Variants in PRDM1 observed in about 807,000 individuals in gnomAD.
PRDM1 encodes the protein PR domain zinc finger protein 1.
A neutral mutation model predicts 62.8 loss-of-function variants in PRDM1; 13 were observed. That is an observed-to-expected ratio of 0.21 (90% CI 0.13 to 0.33). The LOEUF (loss-of-function observed/expected upper bound fraction) is 0.33. PRDM1 is among the 10% of genes least tolerant of loss of function. The probability of loss-of-function intolerance (pLI) is 1.00; values close to 1 mark genes in which losing one functional copy is unlikely to be tolerated. For missense variants in PRDM1, 895 were observed against 1,058.8 expected (o/e 0.85, Z 2.15); for synonymous variants, 396 against 417.6 (o/e 0.95, Z 0.63).
intron 3 of PRDM1, among the ~76,000 whole-genome samples, chr6:106,096,367 C>T (rs893541834): frequency 3.3e-5 from 5 of 152,062 alleles, no homozygotes; most frequent in African/African-American, 7.2e-5. Context: ...ATGATGGTCT[C>T]GATCTCTGGA....
chr6:106,106,911 G>A lies in PRDM1; in HGVS notation c.1903G>A (p.Val635Ile), dbSNP rs1172754125. ...HTGEKPHECQ[V>I]CHKRFSSTSN... Reference sequence around the variant, plus strand: ...GCTGTCTCTCTCCCCTACACTGTAGGTCTGCCACAAGAGATTTAGCAGCAC... The same window carrying A: ...GCTGTCTCTCTCCCCTACACTGTAGATCTGCCACAAGAGATTTAGCAGCAC... Residue 635 changes from valine (V) to isoleucine (I), a missense_variant and splice_region_variant, in exon 7 of 7, where the codon GTC becomes ATC. Around this residue, in one of 4 missense-constraint regions of PRDM1, gnomAD observed 74 missense variants for 172.4 expected, o/e 0.43. Coordinates refer to ENST00000369096, the MANE Select transcript of PRDM1 (RefSeq NM_001198.4). This position sits in a 1 kb window ranked among gnomAD's most constrained non-coding sequence, Gnocchi z 4.4. The A allele has an allele frequency of 1.2e-6, 2 of 1,611,556 alleles. No individual in the cohort carries two copies. Among genetic ancestry groups the A allele is most frequent in the African/African-American group, 1.3e-5 (1 of 74,976 alleles).
intron 1 of PRDM1, among the ~76,000 whole-genome samples, chr6:106,077,391 G>A (rs945485036): frequency 3.3e-5 from 5 of 152,150 alleles, no homozygotes; most frequent in Non-Finnish European, 7.4e-5. Context: ...ATCACAGTTA[G>A]AGCATGAGCA....
upstream of PRDM1, among the ~76,000 whole-genome samples, chr6:106,081,609 C>CT (rs936390910): frequency 2.6e-5 from 4 of 152,104 alleles, no homozygotes; most frequent in African/African-American, 9.7e-5. Flanking sequence ...GAGTTGGGGG[C>CT]TGGGGGTGGT....
At chr6:106,096,575 T>C (rs1380441824) in intron 3 of PRDM1, among the ~76,000 whole-genome samples, 1 of 152,230 alleles carries the variant, frequency 6.6e-6, no homozygotes, top group Admixed American at 6.5e-5. Context: ...AATGATTCCA[T>C]TTGACAATAG....
In PRDM1 at chr6:106,105,643, G is replaced by A. The variant is rs2114656743; in HGVS notation, c.1483G>A (p.Ala495Thr). ...GGTGCTTGTCCCGGCGCCCCACAGT[G>A]CCTTCTCCTTTACCGGGGCCGCCGC... is the stretch of plus-strand genomic sequence containing the variant. Reference protein sequence around the residue: ...REVLVPAPHSAFSFTGAAASM... With the variant: ...REVLVPAPHSTFSFTGAAASM... Residue 495 changes from alanine to threonine, a missense_variant, in exon 5 of 7, where the codon GCC becomes ACC. Ala to Thr is a moderately conservative substitution (Grantham distance 58). Around this residue, in one of 4 missense-constraint regions of PRDM1, gnomAD observed 444 missense variants for 422.7 expected, o/e 1.05. Coordinates refer to ENST00000369096, the MANE Select transcript of PRDM1 (RefSeq NM_001198.4). The A allele has an allele frequency of 1.9e-6, 3 of 1,613,188 alleles. No individual in the cohort carries two copies. Among genetic ancestry groups the A allele is most frequent in the African/African-American group, 1.3e-5 (1 of 75,018 alleles).
chr6:105,995,549 C>T (rs543555612), intron 1 of PRDM1, among the ~76,000 whole-genome samples: 1 of 151,734 alleles, frequency 6.6e-6, no homozygotes, highest in East Asian at 1.9e-4. Context: ...TCAGCTGTAA[C>T]GTAATAGAAA....
chr6:106,009,266 G>A (rs371553458), intron 1 of PRDM1, among the ~76,000 whole-genome samples: 44 of 152,182 alleles, frequency 2.9e-4, no homozygotes, highest in African/African-American at 1.0e-3. Context: ...AATGTTACTC[G>A]TGTGCTTCAA....
Position 106,105,141 on chromosome 6 carries a change from C to T in PRDM1, c.981C>T (p.Ser327=), listed in dbSNP as rs1774420587. 6.2e-7 allele frequency: 1 copy of T among 1,613,266 alleles called. No individual in the cohort carries two copies. The highest frequency in any genetic ancestry group is 1.1e-5 in the South Asian group (1 of 91,038). Residue 327 remains serine, a synonymous_variant, in exon 5 of 7, where the codon TCC becomes TCT. Transcript: ENST00000369096. ...GIERPTYITR[S]PIPSSTTPSP... ...AGAGACCCACGTACATCACTCGCTC[C>T]CCCATTCCATCCTCCACCACTCCAA...
In PRDM1 at chr6:106,096,937, T is replaced by C. The variant is rs547785526; in HGVS notation, c.411+1203T>C. On this transcript the variant is annotated intron_variant, in intron 3 of 6. Transcript: ENST00000369096. ...AGCTGCATGATAACAAAAATTGTGT[T>C]ATGCTTGCTTTAGCTGGTATTTTTG... Among the ~76,000 whole-genome samples the C allele has an allele frequency of 2.6e-5, 4 of 152,320 alleles. No individual in the cohort carries two copies. The East Asian group carries it at 7.7e-4, about 29-fold the overall frequency.
intron 1 of PRDM1, among the ~76,000 whole-genome samples, chr6:106,052,367 G>T (rs939970225): frequency 3.3e-5 from 5 of 152,002 alleles, no homozygotes; most frequent in South Asian, 2.1e-4. Flanking sequence ...CTCTATGGAA[G>T]ATTTTCACAT....
rs957953172 is a variant in PRDM1 at position 106,095,605 on chromosome 6, T to C, written c.292-10T>C. 5.0e-6 allele frequency: 8 copies of C among 1,610,546 alleles called. No homozygotes were observed. In the African/African-American group the frequency reaches 6.7e-5, roughly 13 times the overall value. ...CAAAGTAATTGTTTCCTGTGTTTTTTCCTGTTTAGGTTATTGGAGTGATGA... is the reference window on the plus strand; with the variant it reads ...CAAAGTAATTGTTTCCTGTGTTTTTCCCTGTTTAGGTTATTGGAGTGATGA... On this transcript the variant is annotated splice_polypyrimidine_tract_variant and intron_variant, in intron 2 of 6. Coordinates refer to ENST00000369096, the MANE Select transcript of PRDM1 (RefSeq NM_001198.4).
chr6:106,009,397 A>G (rs895629367), intron 1 of PRDM1, among the ~76,000 whole-genome samples: 1 of 152,186 alleles, frequency 6.6e-6, no homozygotes, highest in Admixed American at 6.5e-5. Flanking sequence ...GAAAAAATGT[A>G]GAAAGGTTTT....
chr6:106,079,201 G>A (rs1010723635), intron 1 of PRDM1, among the ~76,000 whole-genome samples: 6 of 151,968 alleles, frequency 3.9e-5, no homozygotes, highest in African/African-American at 1.4e-4. Flanking sequence ...CTGACTTCAG[G>A]TGATCCACCC....
chr6:106,041,643 A>G (rs1040010714), intron 1 of PRDM1, among the ~76,000 whole-genome samples: 2 of 152,132 alleles, frequency 1.3e-5, no homozygotes, highest in Admixed American at 6.6e-5. Flanking sequence ...ATATGAATCT[A>G]CATGTGTTAA....
intron 1 of PRDM1, among the ~76,000 whole-genome samples, chr6:106,072,686 T>G (rs1368036167): frequency 6.6e-6 from 1 of 152,228 alleles, no homozygotes; most frequent in Non-Finnish European, 1.5e-5. Context: ...GTGCCCCTTG[T>G]GTTGGGGAGC....
intron 1 of PRDM1, chr6:106,087,550 C>T (rs116081643): frequency 8.1e-4 from 188 of 232,824 alleles, no homozygotes; most frequent in African/African-American, 3.9e-3. Context: ...TCTAAGAGGC[C>T]GTAGCTCAGT....
rs185075435 is a variant in PRDM1 at position 105,994,223 on chromosome 6, G to A, written c.-67+584G>A. On this transcript the variant is annotated intron_variant, in intron 1 of 6. Transcript: ENST00000652320. The surrounding 1 kb of genome is among the most constrained non-coding windows in gnomAD (Gnocchi z 4.1). ...GGTCGCCGAAGACGCCGGGAGGCGA[G>A]GGGCGAGGTAAGACGCCGCCTAAAG... Among the ~76,000 whole-genome samples, 230 of 152,304 alleles carry A rather than the reference G, an allele frequency of 1.5e-3. 3 individuals carry two copies. The highest frequency in any genetic ancestry group is 5.0e-3 in the African/African-American group (209 of 41,574).
At chr6:106,039,217 C>CATA (rs1346466594) in intron 1 of PRDM1, among the ~76,000 whole-genome samples, 6 of 152,204 alleles carry the variant, frequency 3.9e-5, no homozygotes, top group Non-Finnish European at 7.3e-5. Flanking sequence ...TCTTCACTAT[C>CATA]TCAGGCTGCA....
upstream of PRDM1, among the ~76,000 whole-genome samples, chr6:106,083,262 G>A (rs962556848): frequency 2.2e-4 from 32 of 143,812 alleles, no homozygotes; most frequent in African/African-American, 7.9e-4. Flanking sequence ...GAGGGTGGGG[G>A]GGTTATTCTC....
Sources: allele counts gnomAD v4.1 joint callset (sites outside exome capture counted in the v4.1 genomes callset), GRCh38; gene constraint gnomAD v4.1.1; regional missense constraint gnomAD v4.1.1; non-coding constraint Gnocchi (gnomAD v3.1); transcripts MANE v1.5; gene names NCBI Gene and HGNC (gene_info 2026-07-23, HGNC 2026-07-21).